The following AKT3 variants were observed in gnomAD, a reference collection of about 807,000 sequenced individuals.
AKT3 encodes the protein AKT serine/threonine kinase 3.
AKT3 carries 15 observed loss-of-function variants against 65.3 expected under a neutral mutation model. The ratio of observed to expected loss-of-function variants is 0.23; its 90% CI spans 0.15 to 0.35. The LOEUF is 0.35. AKT3 is among the 10% of genes least tolerant of loss of function. The pLI, the probability that AKT3 is intolerant of heterozygous loss-of-function variation, is 1.00. For synonymous variants in AKT3, 206 were observed against 183.8 expected (o/e 1.12, Z -0.98); for missense variants, 243 against 576.5 (o/e 0.42, Z 5.92).
At chr1:243,803,487 A>G (rs1692504523) in intron 2 of AKT3, among the ~76,000 whole-genome samples, 1 of 152,222 alleles carries the variant, frequency 6.6e-6, no homozygotes, top group African/African-American at 2.4e-5. Flanking sequence ...ATAAAAAAGA[A>G]AAGGCTTCCA....
chr1:243,743,458 A>G (rs1688290258), intron 2 of AKT3, among the ~76,000 whole-genome samples: 1 of 152,230 alleles, frequency 6.6e-6, no homozygotes, highest in Non-Finnish European at 1.5e-5. Flanking sequence ...AGCATTTGAA[A>G]TCAATTCCAT....
At chr1:243,739,307 C>T (rs1688013498) in intron 2 of AKT3, among the ~76,000 whole-genome samples, 1 of 152,026 alleles carries the variant, frequency 6.6e-6, no homozygotes, top group African/African-American at 2.4e-5. Flanking sequence ...AGATATTTTA[C>T]ATTCTTGTTT....
chr1:243,652,197 G>T (rs1365373594), intron 4 of AKT3, among the ~76,000 whole-genome samples: 5 of 151,974 alleles, frequency 3.3e-5, no homozygotes, highest in African/African-American at 9.7e-5. Flanking sequence ...ACAGGTGTCT[G>T]CCCCCATGCT....
At chr1:243,593,561 C>A (rs933089653) in intron 8 of AKT3, among the ~76,000 whole-genome samples, 1 of 152,064 alleles carries the variant, frequency 6.6e-6, no homozygotes, top group Non-Finnish European at 1.5e-5. Context: ...GTGGTGGGCA[C>A]CTGTAGTCCC....
In AKT3 at chr1:243,641,133, T is replaced by A. The variant is rs114624969; in HGVS notation, c.430-3391A>T. ...AGGCTTCCTGCCCTCGAACATCAAC[T>A]CCAAGTTCTTCAGCACTGGGACTCA... is the stretch of plus-strand genomic sequence containing the variant. On this transcript the variant is annotated intron_variant, in intron 5 of 13. Coordinates refer to ENST00000673466, the MANE Select transcript of AKT3 (RefSeq NM_005465.7). Among the ~76,000 whole-genome samples, 790 of 151,956 alleles carry A rather than the reference T, an allele frequency of 5.2e-3. 10 individuals are homozygous for A. The highest frequency in any genetic ancestry group is 0.018 in the African/African-American group (749 of 41,372).
chr1:243,677,510 T>C (rs577640163), intron 3 of AKT3, among the ~76,000 whole-genome samples: 185 of 152,082 alleles, frequency 1.2e-3, no homozygotes, highest in African/African-American at 4.1e-3. Context: ...TGTATATTTA[T>C]ATATTTCATA....
intron 11 of AKT3, among the ~76,000 whole-genome samples, chr1:243,552,288 C>CAAAAAAAAAAAA (rs33995513): frequency 6.0e-5 from 3 of 50,166 alleles, no homozygotes; most frequent in Admixed American, 4.1e-4. Context: ...GACTCTGTCT[C>CAAAAAAAAAAAA]AAAAAAAAAA....
intron 4 of AKT3, among the ~76,000 whole-genome samples, chr1:243,661,116 A>G (rs866008431): frequency 1.3e-5 from 2 of 152,234 alleles, no homozygotes; most frequent in Non-Finnish European, 1.5e-5. Context: ...CAATATCGTG[A>G]AAACGGCCAT....
chr1:243,684,499 A>G (rs927828263), intron 3 of AKT3, among the ~76,000 whole-genome samples: 1 of 152,154 alleles, frequency 6.6e-6, no homozygotes, highest in African/African-American at 2.4e-5. Context: ...ATCCTTTCTT[A>G]TGGCTGCATA....
chr1:243,588,057 T>C (rs1377613171), intron 8 of AKT3, among the ~76,000 whole-genome samples: 1 of 152,206 alleles, frequency 6.6e-6, no homozygotes, highest in African/African-American at 2.4e-5. Flanking sequence ...GGGGGCACTT[T>C]CTGACACATT....
chr1:243,777,781 T>A (rs900732847), intron 2 of AKT3, among the ~76,000 whole-genome samples: 32 of 152,230 alleles, frequency 2.1e-4, no homozygotes, highest in African/African-American at 7.5e-4. Context: ...CATAAAATCA[T>A]CCTGAAAGTA....
chr1:243,849,386 A>ACCCCC (rs57424400), intron 1 of AKT3, among the ~76,000 whole-genome samples: 1,399 of 107,096 alleles, frequency 0.013, 4 homozygotes, highest in African/African-American at 0.02. Flanking sequence ...CCACACACAC[A>ACCCCC]CCCCCCCCCC....
chr1:243,819,185 C>T (rs964730638), intron 2 of AKT3, among the ~76,000 whole-genome samples: 4 of 152,240 alleles, frequency 2.6e-5, no homozygotes, highest in African/African-American at 4.8e-5. Flanking sequence ...CTGTCCAAGA[C>T]GACTAAGCTC....
chr1:243,547,308 A>C (rs1481766068), intron 11 of AKT3, among the ~76,000 whole-genome samples: 1 of 152,234 alleles, frequency 6.6e-6, no homozygotes, highest in Admixed American at 6.5e-5. Flanking sequence ...TAACAAATTA[A>C]GGAGTAATGA....
rs144262597 is a variant in AKT3, at chr1:243,593,204, G to C, written c.697-20156C>G. ...CCAGCATTGCCACAATACAAAACCA[G>C]ACAGAACTATTACATGAAAAGATGA... On this transcript the variant is annotated intron_variant, in intron 8 of 13. Coordinates refer to ENST00000673466, the MANE Select transcript of AKT3 (RefSeq NM_005465.7). Among the ~76,000 whole-genome samples, 470 of 152,208 alleles carry C rather than the reference G, an allele frequency of 3.1e-3. 6 individuals carry two copies. Among genetic ancestry groups the C allele is most frequent in the African/African-American group, 0.011 (440 of 41,536 alleles).
At chr1:243,575,268 C>T (rs545414934) in intron 8 of AKT3, among the ~76,000 whole-genome samples, 113 of 152,296 alleles carry the variant, frequency 7.4e-4, no homozygotes, top group African/African-American at 2.4e-3. Context: ...GCTAATCCTT[C>T]TCAGTTTCTA....
intron 2 of AKT3, among the ~76,000 whole-genome samples, chr1:243,789,523 C>A (rs946105263): frequency 1.3e-5 from 2 of 152,242 alleles, no homozygotes; most frequent in African/African-American, 4.8e-5. Context: ...TCTACCACAT[C>A]TGCAGTTACT....
At chr1:243,669,190 C>T (rs988425623) in intron 3 of AKT3, among the ~76,000 whole-genome samples, 4 of 152,142 alleles carry the variant, frequency 2.6e-5, no homozygotes, top group African/African-American at 9.7e-5. Flanking sequence ...GCCAGTAATT[C>T]ACTAGCTATA....
intron 2 of AKT3, chr1:243,814,480 G>A (rs952296425): frequency 3.9e-5 from 6 of 152,028 alleles, no homozygotes; most frequent in African/African-American, 1.4e-4. Flanking sequence ...ATAATTATTG[G>A]TCAGAAAACT....
Sources: gnomAD v4.1 joint callset for allele counts (sites outside exome capture counted in the v4.1 genomes callset) on GRCh38, gnomAD v4.1.1 for gene constraint, MANE v1.5 for transcripts, NCBI Gene and HGNC (gene_info 2026-07-23, HGNC 2026-07-21) for gene names.